The following CA5B variants were observed in gnomAD, a reference collection of about 807,000 sequenced individuals.
CA5B encodes the protein carbonic anhydrase 5B, mitochondrial.
CA5B carries 15 observed loss-of-function variants against 23.1 expected under a neutral mutation model. The ratio of observed to expected loss-of-function variants is 0.65; its 90% CI spans 0.43 to 1.00. The LOEUF is 1.00. CA5B is among the 50% of genes least tolerant of loss of function. CA5B has a pLI of 0.00. For synonymous variants in CA5B, 84 were observed against 98.5 expected (o/e 0.85, Z 0.87); for missense variants, 236 against 252.2 (o/e 0.94, Z 0.43).
intron 1 of CA5B, among the ~76,000 whole-genome samples, chrX:15,748,855 G>A (rs1181964955): frequency 9.0e-6 from 1 of 111,289 alleles, no homozygotes; most frequent in Non-Finnish European, 1.9e-5. Context: ...TTCAAGAACA[G>A]CCTGGCCAAC....
At chrX:15,762,749 G>A (rs141235714) in intron 2 of CA5B, 3 of 340,330 alleles carry the variant, frequency 8.8e-6, no homozygotes, top group Non-Finnish European at 1.2e-5. Context: ...GCAGAGGGTC[G>A]TTGGTAATTA....
At chrX:15,742,740 G>C (rs887060622) in intron 1 of CA5B, among the ~76,000 whole-genome samples, 6 of 112,330 alleles carry the variant, frequency 5.3e-5, no homozygotes, top group Non-Finnish European at 9.4e-5. Flanking sequence ...TGCTCTGCTC[G>C]GAAACCTCCA....
chrX:15,767,289 T>C (rs11797879), intron 3 of CA5B: 6,171 of 116,219 alleles, frequency 0.053, 180 homozygotes, highest in Non-Finnish European at 0.084. Flanking sequence ...TTGGAAGTCT[T>C]AGAAAGTTGC....
At chrX:15,776,505 A>T (rs1197562214) in intron 6 of CA5B, among the ~76,000 whole-genome samples, 1 of 111,492 alleles carries the variant, frequency 9.0e-6, no homozygotes, top group African/African-American at 3.3e-5. Context: ...ACAGGGGAAT[A>T]TAAAAAATGC....
chrX:15,739,829 G>A (rs17216751), intron 1 of CA5B, among the ~76,000 whole-genome samples: 117 of 111,757 alleles, frequency 1.0e-3, no homozygotes, highest in Non-Finnish European at 1.4e-3. Context: ...TCAAGATATC[G>A]CAGCATAATC....
chrX:15,771,593 A>AT (rs778122450), intron 3 of CA5B, among the ~76,000 whole-genome samples: 31,568 of 93,573 alleles, frequency 0.34, 5,540 homozygotes, highest in Non-Finnish European at 0.47. Context: ...CGCCCAGCTA[A>AT]TTTTTTTTTT....
Position 15,776,738 on chromosome X carries a change from T to C in CA5B, c.643T>C (p.Phe215Leu), listed in dbSNP as rs750771976. Residue 215 changes from phenylalanine to leucine, a missense_variant, in exon 7 of 8, where the codon TTT becomes CTT. Around this residue, in one of 3 missense-constraint regions of CA5B, gnomAD observed 170 missense variants for 162.0 expected, o/e 1.05. Coordinates refer to ENST00000318636, the MANE Select transcript of CA5B (RefSeq NM_007220.4). ...HKDALVEFGS[F>L]DPSCLMPTCP... is the part of the protein sequence containing the mutation. ...GGACGCCCTTGTGGAATTTGGGTCA[T>C]TTGACCCTTCCTGCCTGATGCCTAC... 5.8e-6 allele frequency: 7 copies of C among 1,208,188 alleles called. No homozygotes were observed. Among genetic ancestry groups the C allele is most frequent in the Non-Finnish European group, 5.6e-6 (5 of 893,582 alleles).
chrX:15,773,881 T>G (rs892781471), intron 4 of CA5B, among the ~76,000 whole-genome samples: 1 of 111,643 alleles, frequency 9.0e-6, no homozygotes, highest in African/African-American at 3.3e-5. Flanking sequence ...TGGTTATTCC[T>G]TGAAGAAGAA....
At chrX:15,753,898 G>A (rs753201130) in intron 2 of CA5B, among the ~76,000 whole-genome samples, 23 of 112,358 alleles carry the variant, frequency 2.0e-4, no homozygotes, top group African/African-American at 5.8e-4. Context: ...CGACAAGAGC[G>A]AAATTCTCTC....
intron 2 of CA5B, among the ~76,000 whole-genome samples, chrX:15,752,321 A>T (rs185809870): frequency 1.3e-4 from 15 of 111,694 alleles, no homozygotes; most frequent in Admixed American, 1.1e-3. Context: ...TTGGCATAAC[A>T]TTACAAGACA....
intron 6 of CA5B, chrX:15,776,135 G>A (rs984622812): frequency 5.6e-5 from 20 of 354,435 alleles, no homozygotes; most frequent in Admixed American, 1.9e-4. Flanking sequence ...TCAGGAGATC[G>A]AGACTGTCCT....
chrX:15,787,069 G>A lies in CA5B; in HGVS notation c.*4405G>A, dbSNP rs1932130272. 1 of 112,017 alleles carries A rather than the reference G, an allele frequency of 8.9e-6. No homozygotes were observed. Among genetic ancestry groups the A allele is most frequent in the Non-Finnish European group, 1.9e-5 (1 of 53,223 alleles). 9.2% of individuals were successfully genotyped at this position (112,017 alleles called of 1,213,427 possible). On this transcript the variant is annotated 3_prime_UTR_variant, in exon 8 of 8. Transcript: ENST00000318636. ...CCAGGGCTCAAGAAAGCTGCCCAGG[G>A]CGGGGCTGATGGAGTCTTGATTGTA...
chrX:15,773,062 A>G (rs901990818), intron 4 of CA5B, among the ~76,000 whole-genome samples: 1 of 111,274 alleles, frequency 9.0e-6, no homozygotes, highest in African/African-American at 3.3e-5. Context: ...AAGGTTAACC[A>G]CGACTTTGTG....
chrX:15,774,323 G>T lies in CA5B; in HGVS notation c.481G>T (p.Ala161Ser). The stretch of plus-strand genomic sequence containing the variant: ...TCAGCTGCACTTAGTGCATTGGAAC[G>T]CAGTCAGATTTGAAAACTTTGAGGA... ...PAELHLVHWN[A>S]VRFENFEDAA... is the part of the protein sequence containing the mutation. Residue 161 changes from alanine (A) to serine (S), a missense_variant, in exon 5 of 8, where the codon GCA (alanine) becomes TCA (serine). Coordinates refer to ENST00000318636, the MANE Select transcript of CA5B (RefSeq NM_007220.4). 8.3e-7 allele frequency: 1 copy of T among 1,209,687 alleles called. No individual in the cohort carries two copies. The highest frequency in any genetic ancestry group is 1.1e-6 in the Non-Finnish European group (1 of 894,686).
chrX:15,753,555 G>C (rs963412316), intron 2 of CA5B, among the ~76,000 whole-genome samples: 7 of 112,304 alleles, frequency 6.2e-5, no homozygotes, highest in African/African-American at 2.3e-4. Flanking sequence ...CTACAGAATG[G>C]ACATTTCTCC....
At chrX:15,748,864 AC>A (rs1474816233) in intron 1 of CA5B, among the ~76,000 whole-genome samples, 11 of 111,536 alleles carry the variant, frequency 9.9e-5, no homozygotes, top group African/African-American at 3.6e-4. Flanking sequence ...AGCCTGGCCA[AC>A]ATGGTAAAAC....
rs1932099375 is a variant in CA5B at position 15,785,644 on chromosome X, G to A, written c.*2980G>A. The A allele has an allele frequency of 8.9e-6, 1 of 111,803 alleles. No individual in the cohort carries two copies. Among genetic ancestry groups the A allele is most frequent in the Non-Finnish European group, 1.9e-5 (1 of 53,155 alleles). The allele number at this position is 111,803 out of a possible 1,213,427, so 9.2% of individuals were successfully genotyped here. Reference sequence around the variant, plus strand: ...CTGAACTGTATACGTATAAGTTTGAGAAATATCTCTTTTAAAAAGGGGGAA... The same window carrying A: ...CTGAACTGTATACGTATAAGTTTGAAAAATATCTCTTTTAAAAAGGGGGAA... On this transcript the variant is annotated 3_prime_UTR_variant, in exon 8 of 8. Transcript: ENST00000318636.
At chrX:15,755,755 G>A (rs1416855169) in intron 2 of CA5B, among the ~76,000 whole-genome samples, 2 of 112,100 alleles carry the variant, frequency 1.8e-5, no homozygotes, top group Middle Eastern at 4.2e-3. Context: ...GGGCAGCATA[G>A]CAACACCCCA....
intron 2 of CA5B, chrX:15,762,641 G>A (rs764577084): frequency 1.8e-5 from 5 of 275,109 alleles, no homozygotes; most frequent in East Asian, 2.2e-4. Context: ...ACTGTGTCTC[G>A]ATCTCCTGAC....
Sources: gnomAD v4.1 joint callset for allele counts (sites outside exome capture counted in the v4.1 genomes callset) on GRCh38, gnomAD v4.1.1 for gene constraint, gnomAD v4.1.1 regional missense constraint, MANE v1.5 for transcripts, NCBI Gene and HGNC (gene_info 2026-07-23, HGNC 2026-07-21) for gene names.